The following M1AP variants were observed in gnomAD, a reference collection of about 807,000 sequenced individuals.
M1AP encodes the protein meiosis 1 associated protein.
Under a neutral mutation model 51.2 loss-of-function variants are expected in M1AP, and 39 were observed. That is an observed-to-expected ratio of 0.76 (90% CI 0.59 to 1.00). M1AP has a LOEUF of 1.00. Among genes scored for constraint, M1AP ranks in the 50% least tolerant of loss-of-function variants. The probability of loss-of-function intolerance (pLI) is 0.00; values close to 1 mark genes in which losing one functional copy is unlikely to be tolerated. For missense variants in M1AP, 545 were observed against 641.2 expected (o/e 0.85, Z 1.62); for synonymous variants, 251 against 249.2 (o/e 1.01, Z -0.07).
At chr2:74,604,479 A>T (rs1293431313) in intron 4 of M1AP, among the ~76,000 whole-genome samples, 1 of 152,182 alleles carries the variant, frequency 6.6e-6, no homozygotes, top group Admixed American at 6.5e-5. Flanking sequence ...CACAATCTAG[A>T]TCCCTCACAT....
At chr2:74,627,642 C>G (rs546440381) in intron 2 of M1AP, among the ~76,000 whole-genome samples, 8 of 152,072 alleles carry the variant, frequency 5.3e-5, no homozygotes, top group Non-Finnish European at 1.2e-4. Context: ...ATAAATAGAA[C>G]AGCAGGAATC....
At chr2:74,586,473 A>G (rs1001236273) in intron 4 of M1AP, among the ~76,000 whole-genome samples, 2 of 152,180 alleles carry the variant, frequency 1.3e-5, no homozygotes, top group Non-Finnish European at 1.5e-5. Flanking sequence ...CATTAATGTT[A>G]GCCCATGGCC....
intron 2 of M1AP, among the ~76,000 whole-genome samples, chr2:74,635,680 C>CT (rs1204642005): frequency 1.3e-5 from 2 of 151,932 alleles, no homozygotes; most frequent in African/African-American, 2.4e-5. Context: ...TTTCATTTAC[C>CT]TTCAGTTCAA....
At chr2:74,590,440 G>C (rs1035817989) in intron 4 of M1AP, among the ~76,000 whole-genome samples, 2 of 151,894 alleles carry the variant, frequency 1.3e-5, no homozygotes, top group Non-Finnish European at 2.9e-5. Flanking sequence ...GAATTTTAGG[G>C]GGGGCGGGGG....
intron 1 of M1AP, chr2:74,647,565 T>C (rs1683681713): frequency 4.4e-6 from 1 of 225,266 alleles, no homozygotes; most frequent in African/African-American, 2.3e-5. Flanking sequence ...CAAAACACTT[T>C]CTTTGACTTC....
At chr2:74,594,951 T>C (rs1680247091) in intron 4 of M1AP, among the ~76,000 whole-genome samples, 1 of 152,074 alleles carries the variant, frequency 6.6e-6, no homozygotes, top group Non-Finnish European at 1.5e-5. Context: ...TTAGAAGAAA[T>C]TCACACCTAA....
chr2:74,561,265 A>AGGAGGAGG (rs1677990110), intron 8 of M1AP, among the ~76,000 whole-genome samples: 8 of 35,408 alleles, frequency 2.3e-4, no homozygotes, highest in African/African-American at 4.3e-4. Flanking sequence ...GGAGGAGAAG[A>AGGAGGAGG]AGAAAAAGAA....
intron 4 of M1AP, among the ~76,000 whole-genome samples, chr2:74,599,332 T>A (rs1680537267): frequency 6.6e-6 from 1 of 152,184 alleles, no homozygotes. Context: ...TGCTTCTTCC[T>A]CTTCCCCAAC....
intron 5 of M1AP, 92 bp downstream of exon 5, chr2:74,581,582 C>T (rs567914404): frequency 4.9e-5 from 62 of 1,268,190 alleles, no homozygotes; most frequent in South Asian, 7.0e-5. Context: ...TAAACCTCAA[C>T]GATGCTATAT....
intron 2 of M1AP, chr2:74,620,707 A>G: frequency 4.6e-6 from 1 of 216,300 alleles, no homozygotes. Context: ...TCTTTTGCTC[A>G]TGAGGGAAGT....
chr2:74,595,178 G>T (rs928660246), intron 4 of M1AP, among the ~76,000 whole-genome samples: 6 of 152,004 alleles, frequency 3.9e-5, no homozygotes, highest in Non-Finnish European at 5.9e-5. Context: ...ACCACACCTG[G>T]CTAATTTTTT....
intron 4 of M1AP, among the ~76,000 whole-genome samples, chr2:74,586,373 C>T (rs1304148065): frequency 6.6e-6 from 1 of 152,212 alleles, no homozygotes; most frequent in Non-Finnish European, 1.5e-5. Context: ...ACTCCCTCCT[C>T]CTCAGCTCTC....
chr2:74,612,550 T>C (rs1681428847), intron 3 of M1AP, among the ~76,000 whole-genome samples: 1 of 152,208 alleles, frequency 6.6e-6, no homozygotes, highest in African/African-American at 2.4e-5. Flanking sequence ...TTTTTCCTTC[T>C]AGTAATTTTG....
intron 2 of M1AP, chr2:74,618,871 T>C: frequency 2.0e-6 from 1 of 504,548 alleles, no homozygotes; most frequent in Non-Finnish European, 4.0e-6. Flanking sequence ...AATCTAGCTG[T>C]CATTGTTCAG....
chr2:74,648,202 C>G, intron 1 of M1AP, 63 bp downstream of exon 1: 1 of 961,144 alleles, frequency 1.0e-6, no homozygotes, highest in Non-Finnish European at 1.2e-6. Context: ...CCCAGCCCAG[C>G]CTGCGAAGTG....
At chr2:74,623,945 A>G (rs1573168286) in intron 2 of M1AP, among the ~76,000 whole-genome samples, 1 of 152,368 alleles carries the variant, frequency 6.6e-6, no homozygotes, top group East Asian at 1.9e-4. Flanking sequence ...TGTTGGGATT[A>G]TAGGCGTGAG....
chr2:74,628,588 C>G lies in M1AP; in HGVS notation c.240+11448G>C, dbSNP rs363702. ...AAGATTCTTGATTCAGCTTCTGACA[C>G]AGTTTTATTATCTTGAGAGGAAGAC... On this transcript the variant is annotated intron_variant, in intron 2 of 10. Coordinates refer to ENST00000421985, the MANE Select transcript of M1AP (RefSeq NM_001321739.2). 9.2e-4 allele frequency: 541 copies of G among 586,700 alleles called. No homozygotes were observed. The African/African-American group carries it at 9.6e-3, about 10-fold the overall frequency. 36.3% of individuals were successfully genotyped at this position (586,700 alleles called of 1,614,324 possible).
intron 3 of M1AP, among the ~76,000 whole-genome samples, chr2:74,613,832 A>C (rs1681506178): frequency 6.6e-6 from 1 of 152,232 alleles, no homozygotes; most frequent in African/African-American, 2.4e-5. Flanking sequence ...GGTAAAACTC[A>C]CAAAAGTGTG....
intron 9 of M1AP, 78 bp from the exon 10 acceptor site, chr2:74,559,787 A>G (rs562458851): frequency 2.8e-6 from 2 of 710,686 alleles, no homozygotes; most frequent in Admixed American, 4.2e-5. Flanking sequence ...CTCTATAAAT[A>G]TTAATTTCCC....
Sources: allele counts gnomAD v4.1 joint callset (sites outside exome capture counted in the v4.1 genomes callset), GRCh38; gene constraint gnomAD v4.1.1; transcripts MANE v1.5; gene names NCBI Gene and HGNC (gene_info 2026-07-23, HGNC 2026-07-21).